The following AFF2 variants were observed in gnomAD, a reference collection of about 807,000 sequenced individuals.
AFF2 encodes ALF transcription elongation factor 2.
A neutral mutation model predicts 76.9 loss-of-function variants in AFF2; 14 were observed. The observed-to-expected ratio is 0.18, with a 90% CI of 0.12 to 0.28. The LOEUF is 0.28. Among genes scored for constraint, AFF2 ranks in the 10% least tolerant of loss-of-function variants. The pLI, the probability that AFF2 is intolerant of heterozygous loss-of-function variation, is 1.00. For missense variants in AFF2, 868 were observed against 1,001.1 expected (o/e 0.87, Z 1.79); for synonymous variants, 398 against 366.7 (o/e 1.09, Z -0.98).
intron 3 of AFF2, among the ~76,000 whole-genome samples, chrX:148,681,882 T>C (rs1294739626): frequency 4.5e-5 from 5 of 111,176 alleles, no homozygotes; most frequent in Non-Finnish European, 9.4e-5. Context: ...GATTTACTGA[T>C]GGATGACTCA....
At chrX:148,576,715 C>G (rs782541046) in intron 1 of AFF2, among the ~76,000 whole-genome samples, 1 of 111,058 alleles carries the variant, frequency 9.0e-6, no homozygotes, top group Non-Finnish European at 1.9e-5. Flanking sequence ...GAAAAGGTGG[C>G]TACCCACCAA....
chrX:148,543,358 A>G (rs1557237765), intron 1 of AFF2, among the ~76,000 whole-genome samples: 5 of 111,789 alleles, frequency 4.5e-5, no homozygotes, highest in Non-Finnish European at 9.4e-5. Flanking sequence ...AGAAGAAGGG[A>G]ACTGATCTTG....
At chrX:148,756,403 T>G (rs781986687) in intron 3 of AFF2, among the ~76,000 whole-genome samples, 33 of 112,427 alleles carry the variant, frequency 2.9e-4, no homozygotes, top group Non-Finnish European at 4.9e-4. Context: ...GACTTAACTG[T>G]GCTTTCCATT....
At position 148,765,563 on chromosome X, in the gene AFF2, A is replaced by G. The variant is rs1295712664; in HGVS notation, c.1042-44313A>G. Among the ~76,000 whole-genome samples, 6 of 111,735 alleles carry G rather than the reference A, an allele frequency of 5.4e-5. No homozygotes were observed. In the East Asian group the frequency reaches 1.7e-3, roughly 31 times the overall value. ...AATAGATCTTAGTTGTATAGCATAC[A>G]GCGTTTCTGGCTAGGGTAACATTGA... is the stretch of plus-strand genomic sequence containing the variant. On this transcript the variant is annotated intron_variant, in intron 3 of 20. Coordinates refer to ENST00000370460, the MANE Select transcript of AFF2 (RefSeq NM_002025.4).
rs190530895 is a variant in AFF2, at chrX:148,570,691, G to A, written c.47+69547G>A. 3.9e-3 allele frequency among the ~76,000 whole-genome samples: 439 copies of A among 111,351 alleles called. 3 individuals are homozygous for A. Among genetic ancestry groups the A allele is most frequent in the African/African-American group, 0.014 (420 of 30,603 alleles). On this transcript the variant is annotated intron_variant, in intron 1 of 20. Coordinates refer to ENST00000370460, the MANE Select transcript of AFF2 (RefSeq NM_002025.4). ...AACAATAGAAATGTTTTGTTTCCCA[G>A]TTCTAGAGGCTATAACTTCAAAATC...
intron 4 of AFF2, among the ~76,000 whole-genome samples, chrX:148,821,575 C>A (rs2070328494): frequency 9.0e-6 from 1 of 110,986 alleles, no homozygotes; most frequent in Non-Finnish European, 1.9e-5. Context: ...CTGTGTGCTG[C>A]CCCCTCCCTC....
At position 148,655,285 on chromosome X, in the gene AFF2, C is replaced by CTTTTTTTTTTTTTTT. The variant is rs781858368; in HGVS notation, c.180+3155_180+3169dup. 2.0e-5 allele frequency among the ~76,000 whole-genome samples: 2 copies of CTTTTTTTTTTTTTTT among 102,227 alleles called. 1 individual carries two copies. The allele number at this position is 102,227 out of a possible 115,157, so 88.8% of individuals were successfully genotyped here. ...CTTCCTGATGGGGAAAAACCTTGTCCTTTTTTTTTTTTTTTCTGAGATGGA... is the reference window on the plus strand; with the variant it reads ...CTTCCTGATGGGGAAAAACCTTGTCCTTTTTTTTTTTTTTTTTTTTTTTTTTTTTTCTGAGATGGA... On this transcript the variant is annotated intron_variant, in intron 2 of 20. Transcript: ENST00000370460.
intron 8 of AFF2, among the ~76,000 whole-genome samples, chrX:148,895,552 G>A (rs1318509615): frequency 1.1e-5 from 1 of 91,121 alleles, no homozygotes; most frequent in African/African-American, 3.7e-5. Context: ...TGTGAACAGT[G>A]TACTCTGTGA....
chrX:148,892,813 C>T (rs782807905), intron 8 of AFF2, among the ~76,000 whole-genome samples: 12 of 111,752 alleles, frequency 1.1e-4, no homozygotes, highest in African/African-American at 3.9e-4. Flanking sequence ...CCTCGTCATA[C>T]TGAACAAGTT....
chrX:148,767,604 A>G lies in AFF2; in HGVS notation c.1042-42272A>G, dbSNP rs184174396. 6.2e-5 allele frequency among the ~76,000 whole-genome samples: 7 copies of G among 112,179 alleles called. No homozygotes were observed. The East Asian group carries it at 1.7e-3, about 27-fold the overall frequency. On this transcript the variant is annotated intron_variant, in intron 3 of 20. Transcript: ENST00000370460. The stretch of plus-strand genomic sequence containing the variant: ...AAGGCATCCTAAACCCTGTGATTTC[A>G]TAATATCCTTGTAACCACATGCTGA...
chrX:148,904,915 G>A (rs1191149584), intron 9 of AFF2, among the ~76,000 whole-genome samples: 1 of 111,963 alleles, frequency 8.9e-6, no homozygotes, highest in South Asian at 3.8e-4. Flanking sequence ...TTGTCATTTG[G>A]TTTGTAACAT....
intron 3 of AFF2, among the ~76,000 whole-genome samples, chrX:148,682,574 A>G (rs2054561763): frequency 9.9e-6 from 1 of 101,137 alleles, no homozygotes; most frequent in Non-Finnish European, 2.0e-5. Flanking sequence ...GGATGGGTGG[A>G]CAGGTGGATG....
intron 7 of AFF2, among the ~76,000 whole-genome samples, chrX:148,853,302 G>A (rs1298506201): frequency 1.8e-5 from 2 of 111,237 alleles, no homozygotes; most frequent in Non-Finnish European, 3.8e-5. Context: ...GGAGCAAGGA[G>A]ACAGGGGAGG....
chrX:148,898,938 G>C (rs1334893398), intron 8 of AFF2, among the ~76,000 whole-genome samples: 7 of 112,132 alleles, frequency 6.2e-5, no homozygotes, highest in African/African-American at 2.3e-4. Context: ...AATGAATAAA[G>C]TTAAAATGTG....
intron 10 of AFF2, among the ~76,000 whole-genome samples, chrX:148,955,376 G>C (rs574054519): frequency 6.2e-5 from 7 of 112,660 alleles, no homozygotes; most frequent in African/African-American, 2.3e-4. Context: ...GAGTCGAAAT[G>C]AGCTTAAATA....
At chrX:148,789,678 C>T (rs2124621441) in intron 3 of AFF2, among the ~76,000 whole-genome samples, 1 of 111,881 alleles carries the variant, frequency 8.9e-6, no homozygotes, top group South Asian at 3.7e-4. Flanking sequence ...ATGGAGAATG[C>T]TTGACAGGCC....
intron 1 of AFF2, among the ~76,000 whole-genome samples, chrX:148,568,801 G>A (rs2053197937): frequency 8.9e-6 from 1 of 111,890 alleles, no homozygotes; most frequent in Non-Finnish European, 1.9e-5. Flanking sequence ...AGTTGGCAGA[G>A]CAGAATGAAT....
chrX:148,986,460 A>G (rs782516154), intron 19 of AFF2, among the ~76,000 whole-genome samples: 2 of 112,524 alleles, frequency 1.8e-5, no homozygotes, highest in Non-Finnish European at 3.8e-5. Context: ...CCTTGTTGCG[A>G]ATATTAAAGA....
At chrX:148,903,536 G>A (rs1335295913) in intron 8 of AFF2, among the ~76,000 whole-genome samples, 1 of 111,910 alleles carries the variant, frequency 8.9e-6, no homozygotes, top group African/African-American at 3.2e-5. Flanking sequence ...CAGATCAATG[G>A]GTTCAGCACT....
Sources: gnomAD v4.1 joint callset for allele counts (sites outside exome capture counted in the v4.1 genomes callset) on GRCh38, gnomAD v4.1.1 for gene constraint, MANE v1.5 for transcripts, NCBI Gene and HGNC (gene_info 2026-07-23, HGNC 2026-07-21) for gene names.